Variants in ZNF680 observed in about 807,000 individuals in gnomAD.
ZNF680 encodes zinc finger protein 680, also known as hypothetical protein FLJ90430.
A neutral mutation model predicts 12.1 loss-of-function variants in ZNF680; 6 were observed. That is an observed-to-expected ratio of 0.49 (90% confidence interval 0.27 to 0.98). ZNF680 has a LOEUF of 0.98. Among genes scored for constraint, ZNF680 ranks in the 50% least tolerant of loss-of-function variants. The pLI is 0.12. For missense variants in ZNF680, 561 were observed against 616.3 expected (o/e 0.91, Z 0.95); for synonymous variants, 170 against 199.3 (o/e 0.85, Z 1.24).
chr7:64,555,344 C>CAA (rs1787349176), intron 1 of ZNF680, among the ~76,000 whole-genome samples: 2 of 93,754 alleles, frequency 2.1e-5, no homozygotes, highest in East Asian at 3.2e-4. Flanking sequence ...TAATTCAATA[C>CAA]CAAAAAAAAA....
At chr7:64,538,208 T>C (rs1786280792) in intron 3 of ZNF680, among the ~76,000 whole-genome samples, 1 of 152,178 alleles carries the variant, frequency 6.6e-6, no homozygotes, top group South Asian at 2.1e-4. Context: ...ACATTGGTAT[T>C]GGCACCATTT....
chr7:64,542,034 G>T (rs1786533477), intron 3 of ZNF680, among the ~76,000 whole-genome samples: 1 of 152,100 alleles, frequency 6.6e-6, no homozygotes, highest in African/African-American at 2.4e-5. Flanking sequence ...ACAAAAACCT[G>T]CCCTACTGTC....
At chr7:64,511,062 G>C in the ZNF680 span, among the ~76,000 whole-genome samples, 1 of 151,522 alleles carries the variant, frequency 6.6e-6, no homozygotes, top group African/African-American at 2.4e-5. Flanking sequence ...ACGAGGTCAG[G>C]AGTTCGAGAC....
At position 64,550,643 on chromosome 7, in the gene ZNF680, A is replaced by G. The variant is rs1364383419; in HGVS notation, c.31-6211T>C. Among the ~76,000 whole-genome samples the G allele has an allele frequency of 4.6e-5, 7 of 152,224 alleles. No individual in the cohort carries two copies. The South Asian group carries it at 6.2e-4, about 14-fold the overall frequency. ...CTCTGAATCAGTTTCAGGTCTGAAA[A>G]TACAAGAATCATTGCAAGAGGTAAA... On this transcript the variant is annotated intron_variant, in intron 1 of 3. Transcript: ENST00000309683.
intron 3 of ZNF680, among the ~76,000 whole-genome samples, chr7:64,539,351 C>CAAAAAAAAAAAAAAAAAAAAAAAA (rs1170166478): frequency 2.1e-5 from 1 of 48,498 alleles, no homozygotes; most frequent in Non-Finnish European, 3.4e-5. Flanking sequence ...AACTTCGTCT[C>CAAAAAAAAAAAAAAAAAAAAAAAA]AAAAAAAAAA....
chr7:64,499,074 GA>G, the ZNF680 span, among the ~76,000 whole-genome samples: 5 of 151,826 alleles, frequency 3.3e-5, no homozygotes, highest in Admixed American at 2.6e-4. Flanking sequence ...TGTTATTCCA[GA>G]AAAAATAATA....
At chr7:64,544,036 G>A (rs1214371928) in intron 2 of ZNF680, 3 of 599,478 alleles carry the variant, frequency 5.0e-6, no homozygotes, top group Non-Finnish European at 8.1e-6. Flanking sequence ...ATTTTAAGGT[G>A]TGGGCAACAA....
the ZNF680 span, among the ~76,000 whole-genome samples, chr7:64,505,072 C>G: frequency 1.8e-4 from 27 of 152,256 alleles, no homozygotes; most frequent in Non-Finnish European, 3.4e-4. Flanking sequence ...CTTTGAAAAT[C>G]CTTTAGCCAG....
At chr7:64,539,014 CCAGCT>C in intron 3 of ZNF680, among the ~76,000 whole-genome samples, 1 of 151,112 alleles carries the variant, frequency 6.6e-6, no homozygotes, top group Non-Finnish European at 1.5e-5. Flanking sequence ...GCCTGTAATC[CCAGCT>C]ACTCAGGAGG....
At chr7:64,536,037 C>T (rs957187765) in intron 3 of ZNF680, among the ~76,000 whole-genome samples, 2 of 151,920 alleles carry the variant, frequency 1.3e-5, no homozygotes, top group Admixed American at 6.6e-5. Flanking sequence ...GGTCAATTTA[C>T]CAGGAATCTA....
At chr7:64,501,384 GA>G in the ZNF680 span, 1 of 1,184,684 alleles carries the variant, frequency 8.4e-7, no homozygotes, top group Non-Finnish European at 1.3e-6. Flanking sequence ...CTGGAAAGTT[GA>G]AAGGAGATGA....
the ZNF680 span, among the ~76,000 whole-genome samples, chr7:64,506,770 A>G: frequency 6.6e-6 from 1 of 152,182 alleles, no homozygotes. Context: ...ACCTCTGTGC[A>G]GACAAAGTTG....
At chr7:64,515,691 A>T (rs557188860), downstream of ZNF680, among the ~76,000 whole-genome samples, 1 of 152,352 alleles carries the variant, frequency 6.6e-6, no homozygotes, top group East Asian at 1.9e-4. Flanking sequence ...AAACTTGCAC[A>T]AACCTCTAGC....
chr7:64,561,516 A>G (rs1787732258), intron 1 of ZNF680, among the ~76,000 whole-genome samples: 1 of 152,216 alleles, frequency 6.6e-6, no homozygotes, highest in South Asian at 2.1e-4. Context: ...ATTTTTTACA[A>G]TAGTGTCCAG....
chr7:64,524,754 C>G (rs1262739067), intron 3 of ZNF680: 1 of 151,522 alleles, frequency 6.6e-6, no homozygotes, highest in Non-Finnish European at 1.5e-5. Context: ...ACGAAATTCT[C>G]CTTGATAGAA....
chr7:64,555,725 TAAA>T (rs200640611), intron 1 of ZNF680, among the ~76,000 whole-genome samples: 5,695 of 121,874 alleles, frequency 0.047, 370 homozygotes, highest in East Asian at 0.34. Context: ...TAAACCTTTG[TAAA>T]AAAAAATATA....
At chr7:64,522,593 A>G in intron 3 of ZNF680, 93 bp from the exon 4 acceptor site, 1 of 983,530 alleles carries the variant, frequency 1.0e-6, no homozygotes. Context: ...CAAACTACAT[A>G]AGCAAAATAC....
At chr7:64,499,720 G>GGCGA in the ZNF680 span, among the ~76,000 whole-genome samples, 1 of 152,192 alleles carries the variant, frequency 6.6e-6, no homozygotes, top group Admixed American at 6.5e-5. Context: ...CTCCGGCCTG[G>GGCGA]GTGACACAGC....
the ZNF680 span, among the ~76,000 whole-genome samples, chr7:64,513,844 C>G: frequency 4.3e-4 from 65 of 152,052 alleles, 1 homozygote; most frequent in South Asian, 4.4e-3. Flanking sequence ...CGGGATTTCA[C>G]CATGTTGGCT....
Sources: allele counts gnomAD v4.1 joint callset (sites outside exome capture counted in the v4.1 genomes callset), GRCh38; gene constraint gnomAD v4.1.1; transcripts MANE v1.5; gene names NCBI Gene and HGNC (gene_info 2026-07-23, HGNC 2026-07-21).